The following DENND2C variants were observed in gnomAD, a reference collection of about 807,000 sequenced individuals.
DENND2C encodes DENN domain containing 2C, also known as DENN domain-containing protein 2C.
A neutral mutation model predicts 112.4 loss-of-function variants in DENND2C; 72 were observed. That is an observed-to-expected ratio of 0.64 (90% CI 0.53 to 0.78). The LOEUF (loss-of-function observed/expected upper bound fraction) is 0.78. DENND2C is among the 30% of genes least tolerant of loss of function. The pLI is 0.00. For synonymous variants in DENND2C, 329 were observed against 381.6 expected (o/e 0.86, Z 1.61); for missense variants, 992 against 1,113.8 (o/e 0.89, Z 1.56).
rs1478966774 is a variant in DENND2C, at chr1:114,625,240, C to G, written c.745G>C (p.Ala249Pro). 3 of 1,613,830 alleles carry G rather than the reference C, an allele frequency of 1.9e-6. No homozygotes were observed. Among genetic ancestry groups the G allele is most frequent in the Non-Finnish European group, 2.5e-6 (3 of 1,180,000 alleles). Reference sequence around the variant, plus strand: ...TTTGGTTCAGGTTCCTGAGAAGAGGCCAAAGAAGATTGTGCACAAGAGTTA... The same window carrying G: ...TTTGGTTCAGGTTCCTGAGAAGAGGGCAAAGAAGATTGTGCACAAGAGTTA... ...ENNSCAQSSL[A>P]SSQEPEPKKY... The change falls in exon 4 of 21, where the codon GCC becomes CCC. Residue 249 changes from alanine to proline, a missense_variant. Transcript: ENST00000393274.
chr1:114,661,552 A>T (rs1314500152), intron 1 of DENND2C, among the ~76,000 whole-genome samples: 1 of 152,232 alleles, frequency 6.6e-6, no homozygotes, highest in Non-Finnish European at 1.5e-5. Context: ...CTATGTTTCC[A>T]AGAATCTTTT....
At chr1:114,621,807 A>G in intron 7 of DENND2C, 88 bp downstream of exon 7, 1 of 1,492,176 alleles carries the variant, frequency 6.7e-7, no homozygotes, top group Non-Finnish European at 9.1e-7. Context: ...GTTCTAACCT[A>G]TTATTCATTT....
At chr1:114,593,521 A>T (rs1253258893) in intron 18 of DENND2C, among the ~76,000 whole-genome samples, 1 of 152,206 alleles carries the variant, frequency 6.6e-6, no homozygotes, top group East Asian at 1.9e-4. Context: ...GTGGTGGCTC[A>T]CAACTGTAAT....
chr1:114,637,012 A>G lies in DENND2C; in HGVS notation c.-205+8436T>C, dbSNP rs569263348. Among the ~76,000 whole-genome samples the G allele has an allele frequency of 4.6e-5, 7 of 152,056 alleles. No individual in the cohort carries two copies. The South Asian group carries it at 1.5e-3, about 32-fold the overall frequency. On this transcript the variant is annotated intron_variant, in intron 3 of 20. Coordinates refer to ENST00000393274, the MANE Select transcript of DENND2C (RefSeq NM_001256404.2). The stretch of plus-strand genomic sequence containing the variant: ...GTAATCCCAGCACTTTGGGAGGTCA[A>G]GGCAGGCAGATCACTTGAGGTCAGG...
intron 3 of DENND2C, among the ~76,000 whole-genome samples, chr1:114,633,631 G>A (rs1384305259): frequency 1.3e-5 from 2 of 151,694 alleles, no homozygotes; most frequent in African/African-American, 4.8e-5. Flanking sequence ...TGGCTAAGAA[G>A]TCAACAAAGA....
Position 114,626,181 on chromosome 1 carries a change from G to A in DENND2C, c.-197C>T. 1.9e-6 allele frequency: 1 copy of A among 516,612 alleles called. No individual in the cohort carries two copies. The highest frequency in any genetic ancestry group is 3.5e-5 in the South Asian group (1 of 28,366). The allele number at this position is 516,612 out of a possible 1,614,324, so 32.0% of individuals were successfully genotyped here. A position where few individuals can be genotyped will look rare whatever the true frequency, so the allele number is the denominator to read the frequency against. On this transcript the variant is annotated 5_prime_UTR_variant, in exon 4 of 21. Transcript: ENST00000393274. ...TTGAAAATGGCTACAACCTGATCTT[G>A]AATAATCCTGTTAAAATGACACAAA...
chr1:114,588,834 A>G (rs980239159), intron 18 of DENND2C, among the ~76,000 whole-genome samples: 2 of 152,128 alleles, frequency 1.3e-5, no homozygotes, highest in African/African-American at 4.8e-5. Flanking sequence ...GGCTCAAGCA[A>G]TTCTCCCACC....
chr1:114,617,035 G>A (rs1022454485), intron 8 of DENND2C, among the ~76,000 whole-genome samples: 16 of 152,080 alleles, frequency 1.1e-4, no homozygotes, highest in African/African-American at 1.2e-4. Flanking sequence ...ATCAGTTCTC[G>A]TGAGACTTAT....
chr1:114,607,659 C>T (rs1655695249), intron 10 of DENND2C, among the ~76,000 whole-genome samples: 1 of 152,020 alleles, frequency 6.6e-6, no homozygotes, highest in Non-Finnish European at 1.5e-5. Flanking sequence ...TCATCTAATC[C>T]TGGCAAATAT....
At chr1:114,598,198 C>A (rs1162618200) in intron 16 of DENND2C, among the ~76,000 whole-genome samples, 2 of 152,136 alleles carry the variant, frequency 1.3e-5, no homozygotes, top group African/African-American at 4.8e-5. Flanking sequence ...TTATTCATAA[C>A]AACCTCAAAC....
chr1:114,601,712 G>T, intron 12 of DENND2C, 127 bp from the exon 13 acceptor site: 2 of 764,758 alleles, frequency 2.6e-6, no homozygotes, highest in South Asian at 2.2e-5. Context: ...CTCATCTTTA[G>T]TGAACACTGA....
intron 3 of DENND2C, among the ~76,000 whole-genome samples, chr1:114,640,476 T>G (rs963219260): frequency 7.9e-5 from 12 of 152,220 alleles, no homozygotes; most frequent in Admixed American, 7.9e-4. Flanking sequence ...TAGTGTAGAA[T>G]AGAATACATC....
chr1:114,602,023 G>T, intron 12 of DENND2C, 102 bp downstream of exon 12: 1 of 1,118,818 alleles, frequency 8.9e-7, no homozygotes, highest in South Asian at 1.4e-5. Flanking sequence ...ACAGATCATT[G>T]AGCATCCCTC....
At chr1:114,668,661 A>C (rs1657709295) in intron 1 of DENND2C, among the ~76,000 whole-genome samples, 1 of 152,144 alleles carries the variant, frequency 6.6e-6, no homozygotes, top group Non-Finnish European at 1.5e-5. Context: ...TACAGGTTAC[A>C]AAACTGCCAT....
intron 7 of DENND2C, among the ~76,000 whole-genome samples, chr1:114,619,680 G>A (rs373962122): frequency 2.6e-5 from 4 of 151,926 alleles, no homozygotes; most frequent in East Asian, 1.9e-4. Flanking sequence ...AAAAACAAGA[G>A]AATCTAAAAT....
chr1:114,608,466 T>C (rs1259254720), intron 10 of DENND2C, among the ~76,000 whole-genome samples: 1 of 152,150 alleles, frequency 6.6e-6, no homozygotes, highest in Non-Finnish European at 1.5e-5. Context: ...AGCCAAAAAT[T>C]TAAAAAACTA....
chr1:114,612,520 A>ATTT (rs1158221276), intron 8 of DENND2C, among the ~76,000 whole-genome samples: 1 of 125,774 alleles, frequency 8.0e-6, no homozygotes. Context: ...CACCCAGCTA[A>ATTT]TTTTTTTTTT....
At chr1:114,634,011 G>T (rs918011062) in intron 3 of DENND2C, among the ~76,000 whole-genome samples, 13 of 152,128 alleles carry the variant, frequency 8.5e-5, no homozygotes, top group Admixed American at 6.5e-5. Flanking sequence ...TCCTGAGCAA[G>T]AAATAACAGC....
chr1:114,608,094 T>C (rs1391694650), intron 10 of DENND2C, among the ~76,000 whole-genome samples: 1 of 152,030 alleles, frequency 6.6e-6, no homozygotes, highest in African/African-American at 2.4e-5. Flanking sequence ...CTGGCCAACA[T>C]GGTGAAACCC....
Sources: allele counts gnomAD v4.1 joint callset (sites outside exome capture counted in the v4.1 genomes callset), GRCh38; gene constraint gnomAD v4.1.1; transcripts MANE v1.5; gene names NCBI Gene and HGNC (gene_info 2026-07-23, HGNC 2026-07-21).